The following BORCS7 variants were observed in gnomAD, a reference collection of about 807,000 sequenced individuals.
BORCS7 encodes BLOC-1-related complex subunit 7.
Under a neutral mutation model 17.5 loss-of-function variants are expected in BORCS7, and 20 were observed. That is an observed-to-expected ratio of 1.14 (90% CI 0.80 to 1.66). BORCS7 has a LOEUF of 1.66. Among genes scored for constraint, BORCS7 ranks in the 40% most tolerant of loss-of-function variants. The probability of loss-of-function intolerance (pLI) is 0.00; values close to 1 mark genes in which losing one functional copy is unlikely to be tolerated. For missense variants in BORCS7, 122 were observed against 129.7 expected (o/e 0.94, Z 0.29); for synonymous variants, 57 against 49.8 (o/e 1.14, Z -0.61).
chr10:102,854,568 C>A (rs893731866), intron 1 of BORCS7, 141 bp downstream of exon 1: 8 of 1,058,306 alleles, frequency 7.6e-6, no homozygotes, highest in Non-Finnish European at 9.2e-6. Flanking sequence ...CGCGGAGGCG[C>A]GTGTTGCATT....
At position 102,863,176 on chromosome 10, in the gene BORCS7, A is replaced by G; in HGVS notation, c.*252A>G. 3.1e-6 allele frequency: 1 copy of G among 327,030 alleles called. No individual in the cohort carries two copies. Among genetic ancestry groups the G allele is most frequent in the Non-Finnish European group, 5.7e-6 (1 of 174,068 alleles). The allele number at this position is 327,030 out of a possible 1,614,324, so 20.3% of individuals were successfully genotyped here. ...TGGTGAAACCCCGTCTCTACTAAAA[A>G]TACAAAGAATTAGCTGGGCGTGGTG... On this transcript the variant is annotated 3_prime_UTR_variant, in exon 5 of 5. Transcript: ENST00000339834.
rs1844552675 is a variant in BORCS7 at position 102,863,476 on chromosome 10, G to A, written c.*552G>A. On this transcript the variant is annotated 3_prime_UTR_variant, in exon 5 of 5. Transcript: ENST00000339834. Reference sequence around the variant, plus strand: ...CTTATTGAATTTTTTCATCTGCTCTGTTTAGTTTGATATTAAAGCAAAATT... The same window carrying A: ...CTTATTGAATTTTTTCATCTGCTCTATTTAGTTTGATATTAAAGCAAAATT... 1 of 152,068 alleles carries A rather than the reference G, an allele frequency of 6.6e-6. No homozygotes were observed. Among genetic ancestry groups the A allele is most frequent in the Non-Finnish European group, 1.5e-5 (1 of 68,036 alleles). The allele number at this position is 152,068 out of a possible 1,614,324, so 9.4% of individuals were successfully genotyped here. A position where few individuals can be genotyped will look rare whatever the true frequency, so the allele number is the denominator to read the frequency against.
In BORCS7 at chr10:102,860,333, TGCTAGGTCAGGCA is replaced by T; in HGVS notation, c.147_159del (p.Gly50GlufsTer17). ...TACCATTTTATTTTTGTCTTCCAGC[TGCTAGGTCAGGCA>T]GCTCGAAACATGGTACTCCAGGAAG... On this transcript the variant is annotated frameshift_variant and splice_region_variant, in exon 2 of 5. Coordinates refer to ENST00000339834, the MANE Select transcript of BORCS7 (RefSeq NM_001136200.2). LOFTEE classifies it high-confidence loss of function. 6.2e-7 allele frequency: 1 copy of T among 1,614,066 alleles called. No individual in the cohort carries two copies. The highest frequency in any genetic ancestry group is 8.5e-7 in the Non-Finnish European group (1 of 1,179,934).
rs1844551927 is a variant in BORCS7 at position 102,863,411 on chromosome 10, G to A, written c.*487G>A. On this transcript the variant is annotated 3_prime_UTR_variant, in exon 5 of 5. Transcript: ENST00000339834. Reference sequence around the variant, plus strand: ...TCTCCTAAGAAGAAGCGAGGTGGTTGAATTTTGGAAGCACTTCTTGAATCG... The same window carrying A: ...TCTCCTAAGAAGAAGCGAGGTGGTTAAATTTTGGAAGCACTTCTTGAATCG... 1 of 152,498 alleles carries A rather than the reference G, an allele frequency of 6.6e-6. No homozygotes were observed. Among genetic ancestry groups the A allele is most frequent in the Non-Finnish European group, 1.5e-5 (1 of 68,480 alleles). 9.4% of individuals were successfully genotyped at this position (152,498 alleles called of 1,614,324 possible).
At chr10:102,860,254 G>A (rs182873252) in intron 1 of BORCS7, 78 bp from the exon 2 acceptor site, 1 of 1,196,760 alleles carries the variant, frequency 8.4e-7, no homozygotes, top group Non-Finnish European at 1.2e-6. Flanking sequence ...AGAGAGGGTA[G>A]TAGTGTAACA....
At chr10:102,856,892 G>T (rs1018389801) in intron 1 of BORCS7, among the ~76,000 whole-genome samples, 1 of 152,116 alleles carries the variant, frequency 6.6e-6, no homozygotes, top group African/African-American at 2.4e-5. Flanking sequence ...CAAATCCTTT[G>T]TTTCTTTTTT....
intron 1 of BORCS7, among the ~76,000 whole-genome samples, chr10:102,858,087 T>C (rs1844456213): frequency 6.7e-6 from 1 of 149,494 alleles, no homozygotes; most frequent in South Asian, 2.1e-4. Flanking sequence ...ATCACCTGAG[T>C]CCGGGAGGTT....
In BORCS7 at chr10:102,854,309, A is replaced by C; in HGVS notation, c.23A>C (p.Glu8Ala). Residue 8 changes from glutamate (E) to alanine (A), a missense_variant, in exon 1 of 5, where the codon GAG (glutamate) becomes GCG (alanine). Glu to Ala is a moderately radical substitution (Grantham distance 107). Transcript: ENST00000339834. ...GAAATGATGGCGACTGGAACGCCAG[A>C]GTCTCAAGCGCGGTTCGGTCAGTCC... MMATGTPESQARFGQSVK... is the reference protein window; with the variant it reads MMATGTPASQARFGQSVK... The C allele has an allele frequency of 6.2e-7, 1 of 1,605,190 alleles. No individual in the cohort carries two copies. The highest frequency in any genetic ancestry group is 8.5e-7 in the Non-Finnish European group (1 of 1,176,022).
At chr10:102,854,719 C>A (rs941860408) in intron 1 of BORCS7, among the ~76,000 whole-genome samples, 8 of 151,406 alleles carry the variant, frequency 5.3e-5, no homozygotes, top group Non-Finnish European at 1.0e-4. Flanking sequence ...TCGAAACTAG[C>A]CTGACAATCA....
chr10:102,861,671 CG>C lies in BORCS7; in HGVS notation c.249-486del, dbSNP rs768412674. Among the ~76,000 whole-genome samples the C allele has an allele frequency of 9.9e-5, 15 of 151,678 alleles. No homozygotes were observed. The East Asian group carries it at 2.5e-3, about 25-fold the overall frequency. ...GACGGAAATGGCAGTGAGCTGAGAT[CG>C]GGCACCACTCCACTGCATCCTGGCG... On this transcript the variant is annotated intron_variant, in intron 3 of 4. Coordinates refer to ENST00000339834, the MANE Select transcript of BORCS7 (RefSeq NM_001136200.2).
At chr10:102,859,142 CTTTTCT>C (rs1190601451) in intron 1 of BORCS7, among the ~76,000 whole-genome samples, 3 of 137,964 alleles carry the variant, frequency 2.2e-5, no homozygotes, top group Non-Finnish European at 3.1e-5. Context: ...CCTTTCTTTT[CTTTTCT>C]TTTTTTTTTT....
intron 1 of BORCS7, among the ~76,000 whole-genome samples, chr10:102,858,664 T>TA (rs1233202800): frequency 6.6e-6 from 1 of 151,592 alleles, no homozygotes; most frequent in Non-Finnish European, 1.5e-5. Context: ...AAATGAAAAT[T>TA]AAAAAATAAA....
intron 1 of BORCS7, among the ~76,000 whole-genome samples, chr10:102,858,353 A>C (rs1350376355): frequency 6.6e-6 from 1 of 151,894 alleles, no homozygotes; most frequent in African/African-American, 2.4e-5. Flanking sequence ...AGCTAATAAA[A>C]ATAGTTATGC....
chr10:102,864,359 A>G lies in BORCS7; in HGVS notation c.*1435A>G, dbSNP rs1010121870. ...AGGCATTAATTTATGTACTAATTCT[A>G]TAAACATGTATTAATAATTGCAGTA... is the stretch of plus-strand genomic sequence containing the variant. On this transcript the variant is annotated 3_prime_UTR_variant, in exon 5 of 5. Transcript: ENST00000339834. 3.9e-5 allele frequency: 6 copies of G among 152,226 alleles called. No homozygotes were observed. The highest frequency in any genetic ancestry group is 7.3e-5 in the Non-Finnish European group (5 of 68,032). The allele number at this position is 152,226 out of a possible 1,614,324, so 9.4% of individuals were successfully genotyped here.
rs1423301909 is a variant in BORCS7 at position 102,854,297 on chromosome 10, C to G, written c.11C>G (p.Thr4Ser). The change falls in exon 1 of 5, where the codon ACT becomes AGT. Residue 4 changes from threonine (T) to serine (S), a missense_variant. Coordinates refer to ENST00000339834, the MANE Select transcript of BORCS7 (RefSeq NM_001136200.2). MMA[T>S]GTPESQARFG... ...CGTTCGCTAACTGAAATGATGGCGA[C>G]TGGAACGCCAGAGTCTCAAGCGCGG... The G allele has an allele frequency of 6.2e-7, 1 of 1,605,998 alleles. No homozygotes were observed. Among genetic ancestry groups the G allele is most frequent in the Non-Finnish European group, 8.5e-7 (1 of 1,176,432 alleles).
At chr10:102,854,938 T>G (rs894572037) in intron 1 of BORCS7, among the ~76,000 whole-genome samples, 8 of 146,884 alleles carry the variant, frequency 5.4e-5, no homozygotes, top group African/African-American at 2.0e-4. Context: ...ATGTATATAT[T>G]ACATATATAA....
intron 3 of BORCS7, among the ~76,000 whole-genome samples, chr10:102,861,768 A>G (rs1427331789): frequency 6.6e-6 from 1 of 152,096 alleles, no homozygotes; most frequent in Non-Finnish European, 1.5e-5. Context: ...AAATATATAT[A>G]TATGGTTAGG....
At chr10:102,862,833 G>C (rs776829619) in intron 4 of BORCS7, 40 bp from the exon 5 acceptor site, 10 of 1,547,278 alleles carry the variant, frequency 6.5e-6, no homozygotes, top group Non-Finnish European at 8.9e-6. Flanking sequence ...CTTTATTATT[G>C]CTCATTTCAG....
rs1261266531 is a variant in BORCS7 at position 102,854,391 on chromosome 10, C to T, written c.105C>T (p.Leu35=). Reference sequence around the variant, plus strand: ...CCTGTGGTACTGACGTAATCGCGCTCACCAAGCAGGTGCTGAAAGGCTCCC... The same window carrying T: ...CCTGTGGTACTGACGTAATCGCGCTTACCAAGCAGGTGCTGAAAGGCTCCC... The part of the protein sequence containing the change: ...VTTCGTDVIA[L]TKQVLKGSRS... The change falls in exon 1 of 5, where the codon CTC becomes CTT. Residue 35 remains leucine, a synonymous_variant. Transcript: ENST00000339834. 6.4e-7 allele frequency: 1 copy of T among 1,555,250 alleles called. No individual in the cohort carries two copies. Among genetic ancestry groups the T allele is most frequent in the Non-Finnish European group, 8.7e-7 (1 of 1,147,090 alleles).
Sources: allele counts gnomAD v4.1 joint callset (sites outside exome capture counted in the v4.1 genomes callset), GRCh38; gene constraint gnomAD v4.1.1; transcripts MANE v1.5; gene names NCBI Gene and HGNC (gene_info 2026-07-23, HGNC 2026-07-21).